The following BRINP3 variants were observed in gnomAD, a reference collection of about 807,000 sequenced individuals.
The protein encoded by BRINP3 is BMP/retinoic acid inducible neural specific 3.
BRINP3 carries 19 observed loss-of-function variants against 71.0 expected under a neutral mutation model. The observed-to-expected ratio is 0.27, with a 90% CI of 0.19 to 0.39. BRINP3 has a LOEUF of 0.39. BRINP3 is among the 10% of genes least tolerant of loss of function. The pLI, the probability that BRINP3 is intolerant of heterozygous loss-of-function variation, is 1.00. For synonymous variants in BRINP3, 380 were observed against 337.7 expected (o/e 1.13, Z -1.37); for missense variants, 959 against 940.8 (o/e 1.02, Z -0.25).
At chr1:190,211,957 T>C (rs1656024313) in intron 6 of BRINP3, among the ~76,000 whole-genome samples, 1 of 152,116 alleles carries the variant, frequency 6.6e-6, no homozygotes, top group African/African-American at 2.4e-5. Flanking sequence ...TGGTTTTGCA[T>C]AACAATCTTG....
At chr1:190,241,047 C>T (rs1299475877) in intron 4 of BRINP3, among the ~76,000 whole-genome samples, 1 of 151,746 alleles carries the variant, frequency 6.6e-6, no homozygotes, top group Non-Finnish European at 1.5e-5. Flanking sequence ...ACTATAAACT[C>T]TCTATGCATA....
chr1:190,279,876 C>T (rs943093638), intron 3 of BRINP3, among the ~76,000 whole-genome samples: 7 of 151,796 alleles, frequency 4.6e-5, no homozygotes, highest in Admixed American at 4.0e-4. Context: ...TAAATGTTTA[C>T]ATATATCTAG....
chr1:190,470,627 G>C (rs951088270), intron 1 of BRINP3, among the ~76,000 whole-genome samples: 1 of 151,068 alleles, frequency 6.6e-6, no homozygotes, highest in East Asian at 1.9e-4. Context: ...ATTATGAATA[G>C]TGATTATTGA....
intron 2 of BRINP3, among the ~76,000 whole-genome samples, chr1:190,429,914 G>A (rs139705621): frequency 1.3e-5 from 2 of 151,810 alleles, no homozygotes; most frequent in South Asian, 2.1e-4. Flanking sequence ...ACATCTACCT[G>A]GTTTTTAAAG....
intron 2 of BRINP3, among the ~76,000 whole-genome samples, chr1:190,366,298 A>G (rs1148610): frequency 0.75 from 114,426 of 152,004 alleles, 43,278 homozygotes; most frequent in Non-Finnish European, 0.79. Context: ...GTGGCAGCAA[A>G]GAGAAGTGCT....
chr1:190,199,738 C>T (rs1269462240), intron 6 of BRINP3, among the ~76,000 whole-genome samples: 1 of 135,680 alleles, frequency 7.4e-6, no homozygotes, highest in Non-Finnish European at 1.6e-5. Flanking sequence ...ACATTCCTAA[C>T]AATTGCAATC....
chr1:190,144,059 T>G (rs550024025), intron 7 of BRINP3, among the ~76,000 whole-genome samples: 2 of 152,296 alleles, frequency 1.3e-5, no homozygotes, highest in South Asian at 4.1e-4. Context: ...TCCCTATTTG[T>G]TGTACAAGAT....
At chr1:190,365,348 T>C (rs1669413072) in intron 2 of BRINP3, among the ~76,000 whole-genome samples, 1 of 151,904 alleles carries the variant, frequency 6.6e-6, no homozygotes. Flanking sequence ...ATATAAGCAT[T>C]GATTTTACTA....
chr1:190,407,349 G>A (rs753558868), intron 2 of BRINP3, among the ~76,000 whole-genome samples: 5 of 152,092 alleles, frequency 3.3e-5, no homozygotes, highest in Non-Finnish European at 7.4e-5. Context: ...TACACCTACA[G>A]GAGATGAGTG....
intron 2 of BRINP3, among the ~76,000 whole-genome samples, chr1:190,340,680 ATGCATACTAGAATAGAACCT>A: frequency 6.6e-6 from 1 of 151,858 alleles, no homozygotes; most frequent in South Asian, 2.1e-4. Flanking sequence ...ATTTCCCCAC[ATGCATACTAGAATAGAACCT>A]TTCTTATGAA....
chr1:190,281,426 G>T, intron 3 of BRINP3, 134 bp downstream of exon 3: 1 of 822,256 alleles, frequency 1.2e-6, no homozygotes, highest in Non-Finnish European at 1.9e-6. Context: ...CACTCAAAAT[G>T]TGTTGGGTAA....
At chr1:190,188,181 T>C (rs1653709526) in intron 6 of BRINP3, among the ~76,000 whole-genome samples, 1 of 152,144 alleles carries the variant, frequency 6.6e-6, no homozygotes, top group Admixed American at 6.6e-5. Context: ...TAACTGTTAT[T>C]GAATAGAAAT....
chr1:190,444,869 C>T (rs1212985738), intron 2 of BRINP3, among the ~76,000 whole-genome samples: 3 of 152,096 alleles, frequency 2.0e-5, no homozygotes, highest in Non-Finnish European at 4.4e-5. Context: ...CCTTTGTTTA[C>T]TGGGAAATTT....
chr1:190,325,608 C>A (rs1666528928), intron 2 of BRINP3, among the ~76,000 whole-genome samples: 2 of 151,992 alleles, frequency 1.3e-5, no homozygotes, highest in African/African-American at 4.8e-5. Flanking sequence ...GACAGAAAGC[C>A]TGGACCACTC....
At chr1:190,391,535 A>G (rs1671250471) in intron 2 of BRINP3, among the ~76,000 whole-genome samples, 1 of 151,806 alleles carries the variant, frequency 6.6e-6, no homozygotes. Flanking sequence ...ACAAACAAAA[A>G]TTATATTTCC....
chr1:190,434,351 C>A (rs958903993), intron 2 of BRINP3, among the ~76,000 whole-genome samples: 1 of 152,000 alleles, frequency 6.6e-6, no homozygotes, highest in African/African-American at 2.4e-5. Context: ...CTCGGGTGAT[C>A]TGCCCACCTT....
intron 2 of BRINP3, among the ~76,000 whole-genome samples, chr1:190,402,464 A>T (rs545683402): frequency 2.1e-4 from 32 of 152,288 alleles, no homozygotes; most frequent in Non-Finnish European, 2.6e-4. Flanking sequence ...TACTTACAGA[A>T]ATCATTCTAT....
rs540768166 is a variant in BRINP3, at chr1:190,400,502, T to C, written c.236+54153A>G. Among the ~76,000 whole-genome samples, 7 of 152,302 alleles carry C rather than the reference T, an allele frequency of 4.6e-5. No individual in the cohort carries two copies. In the East Asian group the frequency reaches 1.2e-3, roughly 25 times the overall value. On this transcript the variant is annotated intron_variant, in intron 2 of 7. Transcript: ENST00000367462. ...TAATTCTAGGAAAATTCCGGTTGTT[T>C]CAAAAAACTATCCAATGCTTTTAGT...
intron 2 of BRINP3, among the ~76,000 whole-genome samples, chr1:190,390,984 C>A (rs905302719): frequency 6.6e-6 from 1 of 151,710 alleles, no homozygotes; most frequent in African/African-American, 2.4e-5. Flanking sequence ...TTCTGAAGTT[C>A]TCAAAGAGTA....
Sources: allele counts gnomAD v4.1 joint callset (sites outside exome capture counted in the v4.1 genomes callset), GRCh38; gene constraint gnomAD v4.1.1; transcripts MANE v1.5; gene names NCBI Gene and HGNC (gene_info 2026-07-23, HGNC 2026-07-21).